ABCB11: variants seen among roughly 807,000 people sequenced by gnomAD.
ABCB11 encodes the protein ATP binding cassette subfamily B member 11, also known as bile salt export pump.
A neutral mutation model predicts 148.0 loss-of-function variants in ABCB11; 95 were observed. The observed-to-expected ratio is 0.64, with a 90% CI of 0.54 to 0.76. ABCB11 has a LOEUF of 0.76. ABCB11 is among the 30% of genes least tolerant of loss of function. The probability of loss-of-function intolerance (pLI) is 0.00; values close to 1 mark genes in which losing one functional copy is unlikely to be tolerated. For synonymous variants in ABCB11, 591 were observed against 555.4 expected (o/e 1.06, Z -0.90); for missense variants, 1,523 against 1,617.8 (o/e 0.94, Z 1.01).
downstream of ABCB11, among the ~76,000 whole-genome samples, chr2:168,918,073 A>G (rs78621064): frequency 3.8e-3 from 586 of 152,276 alleles, no homozygotes; most frequent in Non-Finnish European, 6.3e-3. Context: ...ATTTAAAATT[A>G]CCTATGTGGC....
chr2:168,924,654 T>TA lies in ABCB11; in HGVS notation c.3765+2dup. On this transcript the variant is annotated splice_region_variant and intron_variant, in intron 27 of 27. Coordinates refer to ENST00000650372, the MANE Select transcript of ABCB11 (RefSeq NM_003742.4). The stretch of plus-strand genomic sequence containing the variant: ...TCTAAGACTTTAGAAATTCAACACT[T>TA]ACCTTTTCACTTTCTGTGTCTAAGG... The TA allele has an allele frequency of 6.2e-7, 1 of 1,613,692 alleles. No homozygotes were observed. The highest frequency in any genetic ancestry group is 8.5e-7 in the Non-Finnish European group (1 of 1,179,750).
chr2:168,928,598 C>T (rs958704873), intron 25 of ABCB11, among the ~76,000 whole-genome samples: 5 of 152,252 alleles, frequency 3.3e-5, no homozygotes, highest in Non-Finnish European at 5.9e-5. Flanking sequence ...GCCTTGCTTT[C>T]GACCTGTGAC....
At chr2:168,946,016 G>A (rs188853999) in intron 19 of ABCB11, among the ~76,000 whole-genome samples, 41 of 151,878 alleles carry the variant, frequency 2.7e-4, no homozygotes, top group Non-Finnish European at 7.4e-5. Flanking sequence ...ACACTCAAAC[G>A]TATTCTGAAT....
intron 19 of ABCB11, among the ~76,000 whole-genome samples, chr2:168,952,227 T>C (rs180730049): frequency 6.6e-6 from 1 of 151,784 alleles, no homozygotes; most frequent in African/African-American, 2.4e-5. Flanking sequence ...TGGTATCAGG[T>C]GATATTGGCC....
chr2:168,935,066 C>G, intron 23 of ABCB11, 118 bp downstream of exon 23: 1 of 1,373,916 alleles, frequency 7.3e-7, no homozygotes, highest in South Asian at 1.4e-5. Flanking sequence ...TTAATCCCAG[C>G]TATTGTAAGA....
intron 11 of ABCB11, 100 bp from the exon 12 acceptor site, chr2:168,976,787 C>T (rs1693926719): frequency 1.4e-6 from 1 of 697,624 alleles, no homozygotes; most frequent in Admixed American, 2.2e-5. Context: ...CGTATCTCTG[C>T]AATGTTTTAT....
chr2:168,987,935 A>G (rs1394615527), intron 9 of ABCB11, among the ~76,000 whole-genome samples: 1 of 152,148 alleles, frequency 6.6e-6, no homozygotes, highest in African/African-American at 2.4e-5. Flanking sequence ...GTATGTATAA[A>G]TTGTGGAATG....
intron 5 of ABCB11, among the ~76,000 whole-genome samples, chr2:168,997,279 A>T (rs1022390422): frequency 2.0e-5 from 3 of 152,068 alleles, no homozygotes; most frequent in African/African-American, 7.2e-5. Flanking sequence ...TGTGCCTGTT[A>T]TCTTCCCATG....
intron 5 of ABCB11, among the ~76,000 whole-genome samples, chr2:169,012,826 C>A (rs1313146754): frequency 6.6e-6 from 1 of 151,556 alleles, no homozygotes; most frequent in Non-Finnish European, 1.5e-5. Context: ...GCAGCCTGTT[C>A]ATGAAATTCC....
chr2:169,019,990 A>G (rs1374084715), intron 1 of ABCB11, among the ~76,000 whole-genome samples: 1 of 152,208 alleles, frequency 6.6e-6, no homozygotes, highest in Non-Finnish European at 1.5e-5. Flanking sequence ...GGAGCCATGA[A>G]AGAGAGAAAC....
At chr2:168,941,975 C>T (rs1201817765) in intron 21 of ABCB11, among the ~76,000 whole-genome samples, 4 of 151,796 alleles carry the variant, frequency 2.6e-5, no homozygotes, top group East Asian at 3.9e-4. Flanking sequence ...CTCTTTATTG[C>T]GGTGGTCTGA....
chr2:169,014,017 A>C (rs918639438), intron 4 of ABCB11, among the ~76,000 whole-genome samples: 14 of 152,216 alleles, frequency 9.2e-5, no homozygotes, highest in African/African-American at 3.4e-4. Context: ...ATAAATATAT[A>C]TATGTGATTG....
intron 1 of ABCB11, among the ~76,000 whole-genome samples, chr2:169,020,187 C>A (rs1362712755): frequency 1.3e-5 from 2 of 152,074 alleles, no homozygotes; most frequent in African/African-American, 4.8e-5. Flanking sequence ...ATTGTTATGA[C>A]AATCTGAGGA....
rs759004752 is a variant in ABCB11, at chr2:168,971,960, A to G, written c.1525T>C (p.Ser509Pro). The G allele has an allele frequency of 6.2e-7, 1 of 1,613,142 alleles. No homozygotes were observed. The highest frequency in any genetic ancestry group is 1.1e-5 in the South Asian group (1 of 91,068). Residue 509 changes from serine to proline, a missense_variant, in exon 14 of 28, where the codon TCT becomes CCT. Physicochemically the swap from Ser to Pro is moderately conservative, Grantham distance 74. Coordinates refer to ENST00000650372, the MANE Select transcript of ABCB11 (RefSeq NM_003742.4). ...CGAATATTTTCTGCAATGGTGGTAG[A>G]GAACAGAACTGGCTCTTGCTCCACT... ...GIVEQEPVLF[S>P]TTIAENIRYG...
At position 168,986,119 on chromosome 2, in the gene ABCB11, G is replaced by T. The variant is rs774554076; in HGVS notation, c.1074C>A (p.Thr358=). 1.7e-5 allele frequency: 27 copies of T among 1,605,678 alleles called. No individual in the cohort carries two copies. In the South Asian group the frequency reaches 2.8e-4, roughly 17 times the overall value. Residue 358 remains threonine, a synonymous_variant, in exon 10 of 28, where the codon ACC becomes ACA. Transcript: ENST00000650372. The part of the protein sequence containing the change: ...VLDEGEYTPG[T]LVQIFLSVIV... ...AATAAGTCCAAGGTACCTGGACAAG[G>T]GTTCCTGGTGTATATTCTCCTTCAT...
At chr2:169,025,547 T>C (rs902195885) in intron 1 of ABCB11, among the ~76,000 whole-genome samples, 2 of 152,222 alleles carry the variant, frequency 1.3e-5, no homozygotes, top group African/African-American at 2.4e-5. Flanking sequence ...TGTAGTAATC[T>C]GTCCTCCATT....
chr2:169,004,090 C>T (rs749937895), intron 5 of ABCB11, among the ~76,000 whole-genome samples: 11 of 152,138 alleles, frequency 7.2e-5, no homozygotes, highest in Non-Finnish European at 1.2e-4. Context: ...AAGATTCTTT[C>T]CTTCATCTTG....
chr2:168,952,683 TTTTTTTTG>T (rs927429834), intron 19 of ABCB11, among the ~76,000 whole-genome samples: 9 of 116,816 alleles, frequency 7.7e-5, no homozygotes, highest in African/African-American at 2.5e-4. Context: ...CTTTGTTTTT[TTTTTTTTG>T]TTTGTTTCTA....
intron 25 of ABCB11, among the ~76,000 whole-genome samples, chr2:168,930,417 A>T (rs1288785078): frequency 6.6e-6 from 1 of 152,200 alleles, no homozygotes; most frequent in Non-Finnish European, 1.5e-5. Flanking sequence ...CCAGCTTTGC[A>T]GTGTGCCCAG....
Sources: allele counts gnomAD v4.1 joint callset (sites outside exome capture counted in the v4.1 genomes callset), GRCh38; gene constraint gnomAD v4.1.1; transcripts MANE v1.5; gene names NCBI Gene and HGNC (gene_info 2026-07-23, HGNC 2026-07-21).